The following TNNI3K variants were observed in gnomAD, a reference collection of about 807,000 sequenced individuals.
TNNI3K encodes the protein serine/threonine-protein kinase TNNI3K.
A neutral mutation model predicts 114.5 loss-of-function variants in TNNI3K; 140 were observed. The observed-to-expected ratio is 1.22, with a 90% CI of 1.07 to 1.41. TNNI3K has a LOEUF of 1.41. TNNI3K is among the 40% of genes most tolerant of loss of function. The pLI is 0.00. For synonymous variants in TNNI3K, 347 were observed against 347.5 expected, an observed-to-expected ratio of 1.00 and a Z score of 0.02; for missense variants, 1,125 against 1,007.6, an observed-to-expected ratio of 1.12 and a Z score of -1.58.
chr1:74,392,248 G>T (rs751442097), intron 17 of TNNI3K, among the ~76,000 whole-genome samples: 5 of 152,182 alleles, frequency 3.3e-5, no homozygotes, highest in Admixed American at 1.3e-4. Context: ...ACTAGAGCCG[G>T]TGTCCATGAT....
At chr1:74,543,456 G>A (rs781141331) in intron 24 of TNNI3K, among the ~76,000 whole-genome samples, 4 of 152,088 alleles carry the variant, frequency 2.6e-5, no homozygotes, top group Non-Finnish European at 5.9e-5. Context: ...TGTCTTAGGT[G>A]CATTGCCAAC....
At chr1:74,280,188 C>A (rs893086541) in intron 5 of TNNI3K, among the ~76,000 whole-genome samples, 3 of 152,118 alleles carry the variant, frequency 2.0e-5, no homozygotes, top group African/African-American at 7.2e-5. Flanking sequence ...CAAGACCATC[C>A]TGGCTAACAC....
At chr1:74,470,885 A>G in intron 21 of TNNI3K, 1 of 400,678 alleles carries the variant, frequency 2.5e-6, no homozygotes, top group East Asian at 3.6e-5. Flanking sequence ...CTGGTCTTTG[A>G]TACATTCTGT....
At chr1:74,257,661 C>CCTTTTTTTTTTTTTTTTTTTTTTTTT (rs763279460) in intron 4 of TNNI3K, among the ~76,000 whole-genome samples, 1 of 78,590 alleles carries the variant, frequency 1.3e-5, no homozygotes. Flanking sequence ...CTTGGCTTAC[C>CCTTTTTTTTTTTTTTTTTTTTTTTTT]TCTTTTTTTT....
chr1:74,292,153 G>A (rs1412100058), intron 5 of TNNI3K, among the ~76,000 whole-genome samples: 1 of 151,274 alleles, frequency 6.6e-6, no homozygotes, highest in Non-Finnish European at 1.5e-5. Flanking sequence ...GAAATCAGAA[G>A]TTTAGCAATT....
At chr1:74,318,718 T>C (rs1557494125) in intron 5 of TNNI3K, among the ~76,000 whole-genome samples, 1 of 152,264 alleles carries the variant, frequency 6.6e-6, no homozygotes, top group African/African-American at 2.4e-5. Flanking sequence ...AATTTACATG[T>C]ACCTTATATC....
In TNNI3K at chr1:74,463,441, C is replaced by T. The variant is rs201064243; in HGVS notation, c.2012C>T (p.Ala671Val). 1.7e-5 allele frequency: 27 copies of T among 1,613,974 alleles called. No homozygotes were observed. The highest frequency in any genetic ancestry group is 9.9e-5 in the South Asian group (9 of 91,084). The change falls in exon 21 of 25, where the codon GCG (alanine) becomes GTG (valine). Residue 671 changes from alanine to valine, a missense_variant and splice_region_variant. Coordinates refer to ENST00000326637, the MANE Select transcript of TNNI3K (RefSeq NM_015978.3). Reference protein sequence around the residue: ...GEIPFAHLKPAAAAADMAYHH... With the variant: ...GEIPFAHLKPVAAAADMAYHH... ...ACTGACATGACCATTTGGTTTGCAG[C>T]GGCTGCGGCAGCAGACATGGCTTAC...
intron 23 of TNNI3K, among the ~76,000 whole-genome samples, chr1:74,507,226 C>A (rs942033604): frequency 2.2e-5 from 3 of 135,938 alleles, no homozygotes; most frequent in Middle Eastern, 4.1e-3. Context: ...TTTCTTCACC[C>A]CCCCCCCATC....
intron 9 of TNNI3K, among the ~76,000 whole-genome samples, chr1:74,348,057 C>T (rs1429905879): frequency 1.3e-5 from 2 of 152,180 alleles, no homozygotes; most frequent in South Asian, 2.1e-4. Flanking sequence ...GTGTTTTAGA[C>T]ATGAAGTCCT....
chr1:74,342,993 A>G lies in TNNI3K; in HGVS notation c.827+7A>G, dbSNP rs1488116288. ...GAGATACCCCCTTACACCTGTGAGTATTATGTAGCATTCCATAGGTTCTCC... is the reference window on the plus strand; with the variant it reads ...GAGATACCCCCTTACACCTGTGAGTGTTATGTAGCATTCCATAGGTTCTCC... On this transcript the variant is annotated splice_region_variant and intron_variant, in intron 8 of 24. Coordinates refer to ENST00000326637, the MANE Select transcript of TNNI3K (RefSeq NM_015978.3). The G allele has an allele frequency of 6.2e-7, 1 of 1,613,692 alleles. No individual in the cohort carries two copies. The highest frequency in any genetic ancestry group is 1.3e-5 in the African/African-American group (1 of 74,914).
intron 23 of TNNI3K, among the ~76,000 whole-genome samples, chr1:74,497,862 A>G (rs1186814459): frequency 6.6e-6 from 1 of 152,172 alleles, no homozygotes; most frequent in African/African-American, 2.4e-5. Context: ...TTGATTCAGG[A>G]GTCCGAAATC....
chr1:74,415,458 GCTGT>G (rs1665071214), intron 17 of TNNI3K, among the ~76,000 whole-genome samples: 1 of 152,088 alleles, frequency 6.6e-6, no homozygotes, highest in Non-Finnish European at 1.5e-5. Flanking sequence ...GGCTTGAAAA[GCTGT>G]CTATTTTTCT....
chr1:74,396,376 A>G (rs1664081573), intron 17 of TNNI3K, among the ~76,000 whole-genome samples: 2 of 152,210 alleles, frequency 1.3e-5, no homozygotes, highest in African/African-American at 2.4e-5. Context: ...GACAGGGAGA[A>G]GTTGGATTTG....
rs113768897 is a variant in TNNI3K, at chr1:74,504,911, C to T, written c.2351+12645C>T. Among the ~76,000 whole-genome samples the T allele has an allele frequency of 3.3e-3, 498 of 152,276 alleles. 5 individuals carry two copies. Among genetic ancestry groups the T allele is most frequent in the African/African-American group, 0.011 (477 of 41,560 alleles). Reference sequence around the variant, plus strand: ...GTTTTGTAATACTAATTAACTAATTCCCAGCCACATGAAGAGAACCTGCGA... The same window carrying T: ...GTTTTGTAATACTAATTAACTAATTTCCAGCCACATGAAGAGAACCTGCGA... On this transcript the variant is annotated intron_variant, in intron 23 of 24. Coordinates refer to ENST00000326637, the MANE Select transcript of TNNI3K (RefSeq NM_015978.3).
chr1:74,344,021 C>T (rs1445299920), intron 9 of TNNI3K, among the ~76,000 whole-genome samples: 1 of 152,166 alleles, frequency 6.6e-6, no homozygotes, highest in Non-Finnish European at 1.5e-5. Flanking sequence ...TTTGTAACCT[C>T]TAAAATTGTA....
intron 20 of TNNI3K, among the ~76,000 whole-genome samples, chr1:74,451,061 A>T (rs538953120): frequency 2.0e-5 from 3 of 152,348 alleles, no homozygotes; most frequent in African/African-American, 7.2e-5. Context: ...ATGGAATATT[A>T]TGCTGCCATA....
At chr1:74,403,542 A>G (rs1490854694) in intron 17 of TNNI3K, among the ~76,000 whole-genome samples, 2 of 152,176 alleles carry the variant, frequency 1.3e-5, no homozygotes, top group South Asian at 2.1e-4. Flanking sequence ...ATTGTCTACT[A>G]TTAACATTAG....
chr1:74,475,562 G>A (rs1161282808), intron 21 of TNNI3K: 1 of 717,310 alleles, frequency 1.4e-6, no homozygotes, highest in Non-Finnish European at 2.6e-6. Context: ...GATGTTGCTT[G>A]ATGGCTATTT....
chr1:74,456,487 T>C (rs1306981904), intron 20 of TNNI3K, among the ~76,000 whole-genome samples: 3 of 152,188 alleles, frequency 2.0e-5, no homozygotes, highest in Non-Finnish European at 2.9e-5. Context: ...ATTTCATTTC[T>C]CTCCTGGGCT....
Sources: allele counts gnomAD v4.1 joint callset (sites outside exome capture counted in the v4.1 genomes callset), GRCh38; gene constraint gnomAD v4.1.1; transcripts MANE v1.5; gene names NCBI Gene and HGNC (gene_info 2026-07-23, HGNC 2026-07-21).